Variants in ADAMTS2 observed in about 807,000 individuals in gnomAD.
The protein encoded by ADAMTS2 is A disintegrin and metalloproteinase with thrombospondin motifs 2.
A neutral mutation model predicts 123.0 loss-of-function variants in ADAMTS2; 50 were observed. That is an observed-to-expected ratio of 0.41 (90% CI 0.32 to 0.51). ADAMTS2 has a LOEUF of 0.51. Among genes scored for constraint, ADAMTS2 ranks in the 20% least tolerant of loss-of-function variants. The pLI, the probability that ADAMTS2 is intolerant of heterozygous loss-of-function variation, is 0.35. For missense variants in ADAMTS2, 1,494 were observed against 1,705.2 expected (o/e 0.88, Z 2.18); for synonymous variants, 678 against 695.4 (o/e 0.98, Z 0.39).
intron 2 of ADAMTS2, among the ~76,000 whole-genome samples, chr5:179,302,361 G>A (rs1291957060): frequency 3.3e-5 from 4 of 121,644 alleles, no homozygotes; most frequent in Non-Finnish European, 6.4e-5. Context: ...TGCTCTGGGC[G>A]ACAGAGCAAG....
chr5:179,144,733 C>T (rs542592077), intron 10 of ADAMTS2, among the ~76,000 whole-genome samples: 3 of 152,302 alleles, frequency 2.0e-5, no homozygotes, highest in African/African-American at 7.2e-5. Flanking sequence ...CACACTTACA[C>T]AAAAATTAAC....
In ADAMTS2 at chr5:179,129,826, CAG is replaced by C. The variant is rs1762927612; in HGVS notation, c.2457+104_2457+105del. 1.3e-6 allele frequency: 2 copies of C among 1,487,746 alleles called. No homozygotes were observed. The highest frequency in any genetic ancestry group is 1.8e-6 in the Non-Finnish European group (2 of 1,090,152). 92.2% of individuals were successfully genotyped at this position (1,487,746 alleles called of 1,614,324 possible). ...CCAAAGGCAGGCCAAAGGGGCCACGCAGAGTGTCACCTGAAGGGTCAGGAGGC... is the reference window on the plus strand; with the variant it reads ...CCAAAGGCAGGCCAAAGGGGCCACGCAGTGTCACCTGAAGGGTCAGGAGGC... On this transcript the variant is annotated intron_variant, in intron 16 of 21. Transcript: ENST00000251582. This position sits in a 1 kb window ranked among gnomAD's most constrained non-coding sequence, Gnocchi z 4.1.
chr5:179,209,444 TG>T (rs1257200277), intron 3 of ADAMTS2, among the ~76,000 whole-genome samples: 1 of 152,188 alleles, frequency 6.6e-6, no homozygotes, highest in East Asian at 1.9e-4. Context: ...GAGCAGCTGC[TG>T]GGGTTCCAGT....
At chr5:179,341,139 C>T (rs1250046840) in intron 2 of ADAMTS2, among the ~76,000 whole-genome samples, 7 of 152,160 alleles carry the variant, frequency 4.6e-5, no homozygotes, top group African/African-American at 1.7e-4. Context: ...TGTGTAAAGA[C>T]CCAGGTCCTT....
intron 3 of ADAMTS2, among the ~76,000 whole-genome samples, chr5:179,258,316 G>T (rs1282851121): frequency 6.7e-6 from 1 of 149,904 alleles, no homozygotes; most frequent in African/African-American, 2.5e-5. Flanking sequence ...TCGTCAACTT[G>T]ACCCCTGAGC....
chr5:179,217,887 C>T (rs55902833), intron 3 of ADAMTS2, among the ~76,000 whole-genome samples: 16,863 of 135,858 alleles, frequency 0.12, 1,514 homozygotes, highest in African/African-American at 0.19. Flanking sequence ...ACGGCACACT[C>T]ACTAGGTAGG....
At chr5:179,310,941 G>GC (rs1249817513) in intron 2 of ADAMTS2, among the ~76,000 whole-genome samples, 2 of 151,878 alleles carry the variant, frequency 1.3e-5, no homozygotes, top group African/African-American at 2.4e-5. Context: ...ACCTGCCCCT[G>GC]CCTGCCCCAA....
intron 5 of ADAMTS2, among the ~76,000 whole-genome samples, chr5:179,161,146 C>G (rs1436795141): frequency 6.6e-6 from 1 of 152,222 alleles, no homozygotes; most frequent in Non-Finnish European, 1.5e-5. Flanking sequence ...GTATCTGCAT[C>G]ACATCCAAGC....
chr5:179,328,873 G>GC (rs1213864964), intron 2 of ADAMTS2, among the ~76,000 whole-genome samples: 1 of 152,160 alleles, frequency 6.6e-6, no homozygotes, highest in Admixed American at 6.5e-5. Flanking sequence ...TCATGAAGAT[G>GC]TCGTTCATTT....
intron 3 of ADAMTS2, among the ~76,000 whole-genome samples, chr5:179,219,037 C>T (rs1181054414): frequency 1.3e-5 from 2 of 152,174 alleles, no homozygotes; most frequent in African/African-American, 2.4e-5. Flanking sequence ...CCCCTATTTG[C>T]ACCCCATATG....
chr5:179,163,141 T>C (rs1389031439), intron 5 of ADAMTS2, among the ~76,000 whole-genome samples: 1 of 152,052 alleles, frequency 6.6e-6, no homozygotes, highest in African/African-American at 2.4e-5. Context: ...AGGTCCGCTA[T>C]CCTAGTGTGT....
chr5:179,259,697 C>A (rs538513837), intron 3 of ADAMTS2, among the ~76,000 whole-genome samples: 1 of 152,224 alleles, frequency 6.6e-6, no homozygotes, highest in Non-Finnish European at 1.5e-5. Context: ...CCATCTTCCT[C>A]GCCATCTGCA....
rs1172808981 is a variant in ADAMTS2 at position 179,345,082 on chromosome 5, A to G, written c.139+108T>C. ...ACTTGGCCCCGGGCGGGGCGCGCGG[A>G]GTTTGCCCAAGTCAGGCTGGACGAC... On this transcript the variant is annotated intron_variant, in intron 1 of 21. Transcript: ENST00000251582. The surrounding 1 kb of genome is among the most constrained non-coding windows in gnomAD (Gnocchi z 7.5). 8 of 858,406 alleles carry G rather than the reference A, an allele frequency of 9.3e-6. No individual in the cohort carries two copies. Among genetic ancestry groups the G allele is most frequent in the Non-Finnish European group, 1.1e-5 (8 of 703,854 alleles). 53.2% of individuals were successfully genotyped at this position (858,406 alleles called of 1,614,324 possible).
At chr5:179,341,503 A>C (rs1055372940) in intron 2 of ADAMTS2, among the ~76,000 whole-genome samples, 7 of 151,990 alleles carry the variant, frequency 4.6e-5, no homozygotes, top group Admixed American at 3.9e-4. Context: ...GATTGAGACC[A>C]CCCTGGCTAA....
At chr5:179,290,791 G>A (rs1312189218) in intron 2 of ADAMTS2, among the ~76,000 whole-genome samples, 1 of 152,234 alleles carries the variant, frequency 6.6e-6, no homozygotes, top group Middle Eastern at 3.2e-3. Context: ...CAGGGAGCAG[G>A]TCCTGTAGAA....
chr5:179,339,473 G>A (rs11950631), intron 2 of ADAMTS2, among the ~76,000 whole-genome samples: 27 of 152,300 alleles, frequency 1.8e-4, no homozygotes, highest in Middle Eastern at 6.8e-3. Context: ...CAGATAATTG[G>A]GGCCATGCTG....
intron 5 of ADAMTS2, among the ~76,000 whole-genome samples, chr5:179,168,909 G>C (rs1052422493): frequency 6.6e-6 from 1 of 152,166 alleles, no homozygotes; most frequent in Non-Finnish European, 1.5e-5. Flanking sequence ...TTCTCTGCCA[G>C]AACTCCCATA....
intron 5 of ADAMTS2, among the ~76,000 whole-genome samples, chr5:179,176,455 C>T (rs1368330301): frequency 6.6e-6 from 1 of 152,182 alleles, no homozygotes; most frequent in East Asian, 1.9e-4. Context: ...CACATCTCAG[C>T]TGACCTCTTC....
chr5:179,339,834 C>G (rs1326811859), intron 2 of ADAMTS2, among the ~76,000 whole-genome samples: 1 of 152,266 alleles, frequency 6.6e-6, no homozygotes, highest in Non-Finnish European at 1.5e-5. Flanking sequence ...CTGATCTGCT[C>G]TAGCACCTGA....
Sources: allele counts gnomAD v4.1 joint callset (sites outside exome capture counted in the v4.1 genomes callset), GRCh38; gene constraint gnomAD v4.1.1; non-coding constraint Gnocchi (gnomAD v3.1); transcripts MANE v1.5; gene names NCBI Gene and HGNC (gene_info 2026-07-23, HGNC 2026-07-21).